The following CHST11 variants were observed in gnomAD, a reference collection of about 807,000 sequenced individuals.
CHST11 encodes carbohydrate sulfotransferase 11.
Under a neutral mutation model 30.4 loss-of-function variants are expected in CHST11, and 9 were observed. That is an observed-to-expected ratio of 0.30 (90% CI 0.18 to 0.52). CHST11 has a LOEUF of 0.52. Among genes scored for constraint, CHST11 ranks in the 20% least tolerant of loss-of-function variants. CHST11 has a pLI of 0.97. For missense variants in CHST11, 348 were observed against 460.6 expected (o/e 0.76, Z 2.24); for synonymous variants, 152 against 187.8 (o/e 0.81, Z 1.56).
intron 2 of CHST11, among the ~76,000 whole-genome samples, chr12:104,695,590 C>T (rs2039936931): frequency 6.6e-6 from 1 of 152,164 alleles, no homozygotes; most frequent in South Asian, 2.1e-4. Flanking sequence ...CGGGGAGCTT[C>T]CAGACATTTC....
At chr12:104,547,823 T>G (rs956239934) in intron 1 of CHST11, among the ~76,000 whole-genome samples, 1 of 152,234 alleles carries the variant, frequency 6.6e-6, no homozygotes, top group African/African-American at 2.4e-5. Flanking sequence ...AATTAAATTA[T>G]TTTCTCTGTG....
At chr12:104,575,527 G>A (rs1407369413) in intron 1 of CHST11, among the ~76,000 whole-genome samples, 1 of 152,172 alleles carries the variant, frequency 6.6e-6, no homozygotes. Flanking sequence ...GGTGAAGGGG[G>A]TCTTAACTTA....
Position 104,655,037 on chromosome 12 carries a change from G to C in CHST11, c.204+53046G>C, listed in dbSNP as rs2039529829. Among the ~76,000 whole-genome samples the C allele has an allele frequency of 2.0e-5, 3 of 152,190 alleles. No homozygotes were observed. In the South Asian group the frequency reaches 6.2e-4, roughly 32 times the overall value. On this transcript the variant is annotated intron_variant, in intron 2 of 2. Transcript: ENST00000303694. ...CTTTGGCTGTTTGCATGTGTGTCTT[G>C]GATCTCTGTCTGTCTGTGTCTCTCT...
At chr12:104,518,567 C>T (rs1366681117) in intron 1 of CHST11, among the ~76,000 whole-genome samples, 5 of 152,168 alleles carry the variant, frequency 3.3e-5, no homozygotes, top group South Asian at 2.1e-4. Flanking sequence ...ATAGTTAATA[C>T]ACCCCGGACT....
chr12:104,645,328 A>G (rs1224485540), intron 2 of CHST11, among the ~76,000 whole-genome samples: 1 of 152,182 alleles, frequency 6.6e-6, no homozygotes, highest in Admixed American at 6.5e-5. Context: ...TAATCCTCTG[A>G]GGTGGAATCT....
intron 1 of CHST11, among the ~76,000 whole-genome samples, chr12:104,538,400 C>G (rs1299873737): frequency 1.3e-5 from 2 of 152,236 alleles, no homozygotes; most frequent in Admixed American, 6.5e-5. Flanking sequence ...TGAGTTATCA[C>G]TGTTGATGTT....
intron 1 of CHST11, among the ~76,000 whole-genome samples, chr12:104,507,984 A>G (rs1233923820): frequency 6.6e-6 from 1 of 152,118 alleles, no homozygotes; most frequent in Non-Finnish European, 1.5e-5. Context: ...GTTTTTTGCA[A>G]TCTACCATGA....
At chr12:104,626,750 A>G (rs2039219229) in intron 2 of CHST11, among the ~76,000 whole-genome samples, 1 of 151,940 alleles carries the variant, frequency 6.6e-6, no homozygotes, top group East Asian at 1.9e-4. Context: ...CAGAAGGCAC[A>G]GAAAATTCCC....
At chr12:104,722,885 T>C (rs776762510) in intron 2 of CHST11, among the ~76,000 whole-genome samples, 35 of 152,252 alleles carry the variant, frequency 2.3e-4, no homozygotes, top group Non-Finnish European at 4.7e-4. Context: ...TAAGTGTCAC[T>C]TCCTAAGGAT....
intron 2 of CHST11, among the ~76,000 whole-genome samples, chr12:104,655,932 T>C (rs1316477058): frequency 6.6e-6 from 1 of 152,216 alleles, no homozygotes; most frequent in Non-Finnish European, 1.5e-5. Flanking sequence ...ATGGCAGAGC[T>C]GAAGTCTCTA....
At chr12:104,507,733 A>T (rs1306119049) in intron 1 of CHST11, among the ~76,000 whole-genome samples, 1 of 152,108 alleles carries the variant, frequency 6.6e-6, no homozygotes, top group Non-Finnish European at 1.5e-5. Flanking sequence ...TATCTCTCTC[A>T]TCCTCCTCTA....
At chr12:104,692,927 G>A (rs2039910600) in intron 2 of CHST11, among the ~76,000 whole-genome samples, 1 of 145,796 alleles carries the variant, frequency 6.9e-6, no homozygotes, top group South Asian at 2.1e-4. Context: ...CCAGTCCCTG[G>A]TACCAGAAAG....
intron 2 of CHST11, among the ~76,000 whole-genome samples, chr12:104,618,224 C>CTTTT (rs1375360622): frequency 1.2e-4 from 9 of 73,382 alleles, no homozygotes; most frequent in South Asian, 5.4e-4. Flanking sequence ...CTTTTCTTTT[C>CTTTT]TTTTTTTTTT....
At chr12:104,523,687 A>T (rs1475042664) in intron 1 of CHST11, among the ~76,000 whole-genome samples, 1 of 152,254 alleles carries the variant, frequency 6.6e-6, no homozygotes, top group Admixed American at 6.5e-5. Context: ...ACCGCAGAGC[A>T]GCCTCACCCT....
At chr12:104,512,461 G>C (rs1370462962) in intron 1 of CHST11, among the ~76,000 whole-genome samples, 1 of 152,150 alleles carries the variant, frequency 6.6e-6, no homozygotes. Context: ...AATAAGTCAG[G>C]GTGTTCTCCC....
intron 2 of CHST11, among the ~76,000 whole-genome samples, chr12:104,660,309 G>A (rs879689870): frequency 1.1e-4 from 17 of 152,208 alleles, no homozygotes; most frequent in Non-Finnish European, 2.1e-4. Flanking sequence ...CAGGGAAAGG[G>A]CTACAGGCTG....
At chr12:104,495,193 A>C (rs965242912) in intron 1 of CHST11, among the ~76,000 whole-genome samples, 1 of 152,184 alleles carries the variant, frequency 6.6e-6, no homozygotes, top group East Asian at 1.9e-4. Flanking sequence ...GTATGTGTAC[A>C]CCACATTTTG....
intron 1 of CHST11, among the ~76,000 whole-genome samples, chr12:104,465,938 G>T (rs898500298): frequency 1.3e-5 from 2 of 151,744 alleles, no homozygotes; most frequent in African/African-American, 2.4e-5. Flanking sequence ...GCACCGTCTG[G>T]CTCCTCTGCC....
At chr12:104,756,563 T>TGTGTGTGTGTGTGTG in intron 2 of CHST11, among the ~76,000 whole-genome samples, 4 of 36,182 alleles carry the variant, frequency 1.1e-4, no homozygotes, top group East Asian at 7.8e-4. Flanking sequence ...GTGTGTGTGT[T>TGTGTGTGTGTGTGTG]TAGAGACAGG....
Sources: gnomAD v4.1 joint callset for allele counts (sites outside exome capture counted in the v4.1 genomes callset) on GRCh38, gnomAD v4.1.1 for gene constraint, MANE v1.5 for transcripts, NCBI Gene and HGNC (gene_info 2026-07-23, HGNC 2026-07-21) for gene names.